Variants in SLC25A3 observed in about 807,000 individuals in gnomAD.
The protein encoded by SLC25A3 is phosphate transport protein.
In SLC25A3, 14 loss-of-function variants were observed where a neutral mutation model predicts 37.1. The observed-to-expected ratio is 0.38, with a 90% CI of 0.25 to 0.59. The LOEUF is 0.59. SLC25A3 is among the 20% of genes least tolerant of loss of function. SLC25A3 has a pLI of 0.67. For synonymous variants in SLC25A3, 161 were observed against 168.7 expected, an observed-to-expected ratio of 0.95 and a Z score of 0.36; for missense variants, 385 against 458.1, an observed-to-expected ratio of 0.84 and a Z score of 1.46.
chr12:98,599,542 T>A (rs1248495929), intron 5 of SLC25A3: 1 of 440,208 alleles, frequency 2.3e-6, no homozygotes, highest in African/African-American at 2.0e-5. Flanking sequence ...TACAAATGAC[T>A]TGATGTTTGG....
chr12:98,594,842 C>T (rs2097591601), intron 2 of SLC25A3: 1 of 179,292 alleles, frequency 5.6e-6, no homozygotes, highest in Non-Finnish European at 1.2e-5. Flanking sequence ...TACCTTGTGC[C>T]TGTAAAATCG....
Position 98,604,489 on chromosome 12 carries a change from G to A in SLC25A3, c.*2961G>A, listed in dbSNP as rs1265351793. On this transcript the variant is annotated 3_prime_UTR_variant, in exon 8 of 8. Coordinates refer to ENST00000552981, the MANE Select transcript of SLC25A3 (RefSeq NM_002635.4). ...CCATTGTGTGAAAGTTTTATGAAAT[G>A]TTTTGACTTTTTTTTTTTTTTCCCT... The A allele has an allele frequency of 7.4e-6, 1 of 135,298 alleles. No homozygotes were observed. Among genetic ancestry groups the A allele is most frequent in the East Asian group, 2.1e-4 (1 of 4,686 alleles). 8.4% of individuals were successfully genotyped at this position (135,298 alleles called of 1,614,324 possible). A position where few individuals can be genotyped will look rare whatever the true frequency, so the allele number is the denominator to read the frequency against.
intron 6 of SLC25A3, 159 bp from the exon 7 acceptor site, chr12:98,601,012 C>A: frequency 6.9e-6 from 5 of 719,720 alleles, no homozygotes; most frequent in Non-Finnish European, 9.0e-6. Context: ...TTCCGTTTTA[C>A]ATAGGATAGA....
intron 2 of SLC25A3, chr12:98,595,188 G>T: frequency 3.9e-6 from 2 of 513,318 alleles, no homozygotes; most frequent in Admixed American, 3.3e-5. Flanking sequence ...AGCCGTTAAT[G>T]TAGAAAACTT....
At chr12:98,596,821 A>C (rs1445471655) in intron 3 of SLC25A3, among the ~76,000 whole-genome samples, 1 of 152,108 alleles carries the variant, frequency 6.6e-6, no homozygotes, top group Non-Finnish European at 1.5e-5. Context: ...CGAGATCAGA[A>C]CTCAATCTAG....
chr12:98,594,341 G>A (rs1220054115), intron 2 of SLC25A3: 1 of 703,708 alleles, frequency 1.4e-6, no homozygotes, highest in Non-Finnish European at 2.6e-6. Flanking sequence ...GGGCGTGGAA[G>A]CGCTGAGGCC....
At chr12:98,595,576 A>ACT (rs2097592287) in intron 2 of SLC25A3, 151 bp from the exon 3 acceptor site, 3 of 1,613,894 alleles carry the variant, frequency 1.9e-6, no homozygotes, top group Non-Finnish European at 2.5e-6. Context: ...TGCATGCTGG[A>ACT]CTAGAGCATA....
Position 98,604,494 on chromosome 12 carries a change from G to A in SLC25A3, c.*2966G>A, listed in dbSNP as rs927334507. ...GTGTGAAAGTTTTATGAAATGTTTT[G>A]ACTTTTTTTTTTTTTTCCCTAGAGA... On this transcript the variant is annotated 3_prime_UTR_variant, in exon 8 of 8. Transcript: ENST00000552981. The A allele has an allele frequency of 1.5e-5, 2 of 129,292 alleles. No individual in the cohort carries two copies. The highest frequency in any genetic ancestry group is 3.4e-5 in the African/African-American group (1 of 29,322). 8.0% of individuals were successfully genotyped at this position (129,292 alleles called of 1,614,324 possible).
chr12:98,601,501 G>C lies in SLC25A3; in HGVS notation c.1059G>C (p.Leu353=). 6.2e-7 allele frequency: 1 copy of C among 1,613,746 alleles called. No homozygotes were observed. The highest frequency in any genetic ancestry group is 8.5e-7 in the Non-Finnish European group (1 of 1,179,644). ...RPPPPEMPES[L]KKKLGLTQ ...CTCCACCCGAGATGCCAGAGTCTCT[G>C]AAGAAGAAGCTTGGGTTAACTCAGT... Residue 353 remains leucine, a synonymous_variant, in exon 8 of 8, where the codon CTG becomes CTC. Transcript: ENST00000552981.
intron 6 of SLC25A3, 46 bp downstream of exon 6, chr12:98,600,173 A>G: frequency 7.8e-7 from 1 of 1,284,628 alleles, no homozygotes; most frequent in Non-Finnish European, 1.1e-6. Flanking sequence ...TGAACAAATA[A>G]TCATTTCCAT....
chr12:98,595,564 T>TC, intron 2 of SLC25A3, 163 bp from the exon 3 acceptor site: 2 of 1,614,122 alleles, frequency 1.2e-6, no homozygotes. Context: ...GCAGGTTTGT[T>TC]TTGCATGCTG....
chr12:98,604,924 GCTAATGTT>G lies in SLC25A3; in HGVS notation c.*3397_*3404del, dbSNP rs765884813. The G allele has an allele frequency of 1.3e-5, 2 of 152,286 alleles. No individual in the cohort carries two copies. The highest frequency in any genetic ancestry group is 2.4e-5 in the African/African-American group (1 of 41,422). 9.4% of individuals were successfully genotyped at this position (152,286 alleles called of 1,614,324 possible). A position where few individuals can be genotyped will look rare whatever the true frequency, so the allele number is the denominator to read the frequency against. ...CTGCAAGTGTGGACCACCATGTCTG[GCTAATGTT>G]TTTTATTTTTAGCAGAAATGAGGTC... On this transcript the variant is annotated 3_prime_UTR_variant, in exon 8 of 8. Coordinates refer to ENST00000552981, the MANE Select transcript of SLC25A3 (RefSeq NM_002635.4).
rs1302964992 is a variant in SLC25A3 at position 98,604,263 on chromosome 12, A to AAAAAAAATATATATAT, written c.*2736_*2737insAAAAAATATATATATA. 2.2e-5 allele frequency: 3 copies of AAAAAAAATATATATAT among 134,570 alleles called. No individual in the cohort carries two copies. Among genetic ancestry groups the AAAAAAAATATATATAT allele is most frequent in the African/African-American group, 8.6e-5 (3 of 34,884 alleles). The allele number at this position is 134,570 out of a possible 1,614,324, so 8.3% of individuals were successfully genotyped here. ...GCGAAACTCTGTCTCAAAAAAAAAA[A>AAAAAAAATATATATAT]ATATATATATATATATATATATATG... On this transcript the variant is annotated 3_prime_UTR_variant, in exon 8 of 8. Coordinates refer to ENST00000552981, the MANE Select transcript of SLC25A3 (RefSeq NM_002635.4).
rs1365350845 is a variant in SLC25A3 at position 98,606,310 on chromosome 12, C to G, written c.*4782C>G. 6.6e-6 allele frequency: 1 copy of G among 152,120 alleles called. No homozygotes were observed. The highest frequency in any genetic ancestry group is 1.5e-5 in the Non-Finnish European group (1 of 68,020). The allele number at this position is 152,120 out of a possible 1,614,324, so 9.4% of individuals were successfully genotyped here. ...TCAAAGAATAATGTACATTAATAAG[C>G]CAGCTACTATCGGCATCTTGTAAAA... On this transcript the variant is annotated 3_prime_UTR_variant, in exon 8 of 8. Coordinates refer to ENST00000552981, the MANE Select transcript of SLC25A3 (RefSeq NM_002635.4).
chr12:98,593,851 G>A, intron 1 of SLC25A3, 111 bp downstream of exon 1: 1 of 1,119,634 alleles, frequency 8.9e-7, no homozygotes, highest in Non-Finnish European at 1.3e-6. Context: ...TCTTTCGAAG[G>A]CCGCCGTGAC....
intron 5 of SLC25A3, among the ~76,000 whole-genome samples, chr12:98,598,904 T>C (rs1370784153): frequency 2.0e-5 from 3 of 151,820 alleles, no homozygotes; most frequent in Non-Finnish European, 4.4e-5. Context: ...GCCTCCCAAG[T>C]AGCTGGGACT....
At position 98,601,887 on chromosome 12, in the gene SLC25A3, C is replaced by A; in HGVS notation, c.*359C>A. ...GTCTCAAGTTTTATCACACAAAGTT[C>A]CTGTATTTCTAGGGAAGCAGACTTT... On this transcript the variant is annotated 3_prime_UTR_variant, in exon 8 of 8. Coordinates refer to ENST00000552981, the MANE Select transcript of SLC25A3 (RefSeq NM_002635.4). 4.4e-6 allele frequency: 1 copy of A among 229,838 alleles called. No individual in the cohort carries two copies. The highest frequency in any genetic ancestry group is 8.7e-6 in the Non-Finnish European group (1 of 114,810). 14.2% of individuals were successfully genotyped at this position (229,838 alleles called of 1,614,324 possible). A position where few individuals can be genotyped will look rare whatever the true frequency, so the allele number is the denominator to read the frequency against.
intron 5 of SLC25A3, among the ~76,000 whole-genome samples, chr12:98,599,398 G>T (rs1403416297): frequency 1.3e-5 from 2 of 152,094 alleles, no homozygotes; most frequent in South Asian, 2.1e-4. Flanking sequence ...TTTTTAAAAA[G>T]ACTATTATAA....
At position 98,595,609 on chromosome 12, in the gene SLC25A3, G is replaced by A. The variant is rs375975932; in HGVS notation, c.158-118G>A. On this transcript the variant is annotated intron_variant, in intron 2 of 7. Coordinates refer to ENST00000552981, the MANE Select transcript of SLC25A3 (RefSeq NM_002635.4). ...ATATTGAAGCATGACTGACTGTTAA[G>A]TTATAAGATATAGTCATCTAACAAG... is the stretch of plus-strand genomic sequence containing the variant. 3.2e-4 allele frequency: 518 copies of A among 1,612,710 alleles called. 2 individuals carry two copies. In the African/African-American group the frequency reaches 5.7e-3, roughly 18 times the overall value.
Sources: gnomAD v4.1 joint callset for allele counts (sites outside exome capture counted in the v4.1 genomes callset) on GRCh38, gnomAD v4.1.1 for gene constraint, MANE v1.5 for transcripts, NCBI Gene and HGNC (gene_info 2026-07-23, HGNC 2026-07-21) for gene names.